Variants in CFAP57 observed in about 807,000 individuals in gnomAD.
CFAP57 encodes cilia- and flagella-associated protein 57.
Under a neutral mutation model 146.8 loss-of-function variants are expected in CFAP57, and 116 were observed. The ratio of observed to expected loss-of-function variants is 0.79; its 90% CI spans 0.68 to 0.92. The LOEUF (loss-of-function observed/expected upper bound fraction) is 0.92, where lower values mean the gene tolerates loss of function less well. CFAP57 is among the 40% of genes least tolerant of loss of function. The pLI is 0.00. For missense variants in CFAP57, 1,377 were observed against 1,527.2 expected (o/e 0.90, Z 1.64); for synonymous variants, 518 against 552.8 (o/e 0.94, Z 0.88).
At chr1:43,237,259 T>C (rs1364923166) in intron 21 of CFAP57, among the ~76,000 whole-genome samples, 1 of 152,208 alleles carries the variant, frequency 6.6e-6, no homozygotes, top group African/African-American at 2.4e-5. Context: ...GTCTCATTTG[T>C]TTATTCAGAC....
intron 22 of CFAP57, among the ~76,000 whole-genome samples, chr1:43,248,265 A>C (rs1056344484): frequency 6.6e-6 from 1 of 150,844 alleles, no homozygotes; most frequent in African/African-American, 2.4e-5. Flanking sequence ...ATATCTTCAT[A>C]TCCATAACTT....
chr1:43,217,881 G>A (rs1209056670), intron 12 of CFAP57, among the ~76,000 whole-genome samples: 1 of 152,142 alleles, frequency 6.6e-6, no homozygotes, highest in Non-Finnish European at 1.5e-5. Flanking sequence ...TTCCTAGCAT[G>A]GTCTACCGGG....
intron 14 of CFAP57, 39 bp downstream of exon 14, chr1:43,221,504 A>C (rs1055298361): frequency 1.3e-5 from 18 of 1,394,900 alleles, no homozygotes; most frequent in Middle Eastern, 1.8e-4. Flanking sequence ...TTAGGGTTGG[A>C]AGAGCTAGGT....
chr1:43,207,310 C>A (rs1380743891), intron 10 of CFAP57, among the ~76,000 whole-genome samples: 2 of 152,230 alleles, frequency 1.3e-5, no homozygotes, highest in Admixed American at 6.5e-5. Flanking sequence ...CACTGAGTAA[C>A]ACCAATGATG....
In CFAP57 at chr1:43,206,830, G is replaced by A; in HGVS notation, c.1653G>A (p.Val551=). The A allele has an allele frequency of 6.2e-7, 1 of 1,614,182 alleles. No homozygotes were observed. Among genetic ancestry groups the A allele is most frequent in the Non-Finnish European group, 8.5e-7 (1 of 1,180,026 alleles). ...CAGGAAAGAGAGAGACAGAATGCGT[G>A]CTCAAGTCTTGCAGCTACAACTGTG... The part of the protein sequence containing the change: ...LSTGKRETEC[V]LKSCSYNCVT... Residue 551 remains valine, a synonymous_variant, in exon 10 of 23, where the codon GTG becomes GTA. Coordinates refer to ENST00000372492, the MANE Select transcript of CFAP57 (RefSeq NM_001378189.1).
Position 43,185,369 on chromosome 1 carries a change from G to C in CFAP57, c.969+13G>C. ...CAGAGAAATCAGGGTAAGGCGGGAA[G>C]AAAAAAAAGAAGTAAAATGGGGGTC... On this transcript the variant is annotated intron_variant, in intron 5 of 22. Transcript: ENST00000372492. 2 of 1,612,012 alleles carry C rather than the reference G, an allele frequency of 1.2e-6. No individual in the cohort carries two copies. The highest frequency in any genetic ancestry group is 1.7e-6 in the Non-Finnish European group (2 of 1,178,654).
At chr1:43,215,071 ACTT>A (rs1473176299) in intron 11 of CFAP57, among the ~76,000 whole-genome samples, 181 bp from the exon 12 acceptor site, 3 of 151,992 alleles carry the variant, frequency 2.0e-5, no homozygotes, top group Non-Finnish European at 4.4e-5. Context: ...ACGTAACCTT[ACTT>A]CTTCTATTCA....
chr1:43,222,100 TC>T lies in CFAP57; in HGVS notation c.2342-3del. 6.5e-7 allele frequency: 1 copy of T among 1,545,316 alleles called. No homozygotes were observed. The highest frequency in any genetic ancestry group is 8.7e-7 in the Non-Finnish European group (1 of 1,144,236). On this transcript the variant is annotated splice_polypyrimidine_tract_variant and splice_region_variant and intron_variant, in intron 14 of 22. Coordinates refer to ENST00000372492, the MANE Select transcript of CFAP57 (RefSeq NM_001378189.1). ...ACCTTAAATACCATCCTTGCTTCTC[TC>T]CAGAATGTTGCAACAACCAAAAGTT...
In CFAP57 at chr1:43,201,233, T is replaced by A. The variant is rs10890242; in HGVS notation, c.1542+1730T>A. ...TGGACAGCAGAGGGAAGACCAACAT[T>A]TAAGAGACTGGTGAAAGAAGAGGAG... On this transcript the variant is annotated intron_variant, in intron 9 of 22. Transcript: ENST00000372492. The surrounding 1 kb of genome is among the most constrained non-coding windows in gnomAD (Gnocchi z 4.4). 0.19 allele frequency among the ~76,000 whole-genome samples: 28,756 copies of A among 151,908 alleles called. 3,114 individuals are homozygous for A. Among genetic ancestry groups the A allele is most frequent in the Middle Eastern group, 0.29 (85 of 294 alleles).
chr1:43,237,620 G>T (rs1283547040), intron 21 of CFAP57, among the ~76,000 whole-genome samples: 6 of 152,224 alleles, frequency 3.9e-5, no homozygotes, highest in Admixed American at 1.3e-4. Context: ...GCCTTGAAGG[G>T]TGAGTAGAGG....
At chr1:43,229,100 G>A (rs1645369400) in intron 18 of CFAP57, among the ~76,000 whole-genome samples, 1 of 149,108 alleles carries the variant, frequency 6.7e-6, no homozygotes, top group Admixed American at 6.6e-5. Flanking sequence ...CTGAGAAGAT[G>A]AGAGGAAGAG....
chr1:43,186,551 C>T (rs1976285), intron 5 of CFAP57, among the ~76,000 whole-genome samples, 156 bp from the exon 6 acceptor site: 26,611 of 141,462 alleles, frequency 0.19, 3,467 homozygotes, highest in African/African-American at 0.36. Flanking sequence ...GCGGAGCTTG[C>T]AGTGAGCTGA....
At chr1:43,192,758 C>G (rs1476222666) in intron 6 of CFAP57, among the ~76,000 whole-genome samples, 1 of 149,108 alleles carries the variant, frequency 6.7e-6, no homozygotes, top group Non-Finnish European at 1.5e-5. Context: ...AACCCAGTCT[C>G]TATTAAAAAT....
In CFAP57 at chr1:43,199,374, CTG is replaced by C. The variant is rs1387342705; in HGVS notation, c.1429-14_1429-13del. 1.9e-6 allele frequency: 3 copies of C among 1,612,030 alleles called. No homozygotes were observed. The highest frequency in any genetic ancestry group is 2.5e-6 in the Non-Finnish European group (3 of 1,178,222). On this transcript the variant is annotated splice_polypyrimidine_tract_variant and intron_variant, in intron 8 of 22. Transcript: ENST00000372492. ...CACTTCCTGCTTGCTTGCTCTCTTG[CTG>C]TCTTTCCCTATAGTGTTCCTTTAGC... is the stretch of plus-strand genomic sequence containing the variant.
chr1:43,200,487 GA>G (rs527330489), intron 9 of CFAP57, among the ~76,000 whole-genome samples: 62 of 129,356 alleles, frequency 4.8e-4, no homozygotes, highest in East Asian at 1.0e-3. Context: ...GACCCTGTCT[GA>G]AAAAAAAAAA....
chr1:43,233,594 A>G (rs1645563046), intron 19 of CFAP57, among the ~76,000 whole-genome samples: 1 of 152,216 alleles, frequency 6.6e-6, no homozygotes, highest in Non-Finnish European at 1.5e-5. Flanking sequence ...GAACTGATAC[A>G]GATCCTGCCA....
chr1:43,192,310 T>G (rs1643586946), intron 6 of CFAP57, among the ~76,000 whole-genome samples: 1 of 152,156 alleles, frequency 6.6e-6, no homozygotes, highest in Non-Finnish European at 1.5e-5. Flanking sequence ...CCTACTTGTC[T>G]TGATTGTTTT....
intron 22 of CFAP57, among the ~76,000 whole-genome samples, chr1:43,244,062 A>T (rs1646025733): frequency 6.6e-6 from 1 of 152,248 alleles, no homozygotes; most frequent in South Asian, 2.1e-4. Flanking sequence ...ATGGATCCTT[A>T]CAAAAGGAAT....
chr1:43,184,027 A>G (rs559878126), intron 4 of CFAP57, 150 bp downstream of exon 4: 2 of 898,068 alleles, frequency 2.2e-6, no homozygotes, highest in African/African-American at 3.3e-5. Context: ...TTTCGTCTAT[A>G]TTTAAGCACA....
Sources: gnomAD v4.1 joint callset for allele counts (sites outside exome capture counted in the v4.1 genomes callset) on GRCh38, gnomAD v4.1.1 for gene constraint, Gnocchi (gnomAD v3.1) non-coding constraint, MANE v1.5 for transcripts, NCBI Gene and HGNC (gene_info 2026-07-23, HGNC 2026-07-21) for gene names.